FLT4: variants seen among roughly 807,000 people sequenced by gnomAD.
The protein encoded by FLT4 is fms related receptor tyrosine kinase 4.
Under a neutral mutation model 163.2 loss-of-function variants are expected in FLT4, and 30 were observed. That is an observed-to-expected ratio of 0.18 (90% CI 0.14 to 0.25). FLT4 has a LOEUF of 0.25. Ranked by LOEUF, FLT4 falls within the 10% of genes least tolerant of loss-of-function variation. The pLI is 1.00. For synonymous variants in FLT4, 884 were observed against 789.5 expected, an observed-to-expected ratio of 1.12 and a Z score of -2.01; for missense variants, 1,510 against 1,863.8, an observed-to-expected ratio of 0.81 and a Z score of 3.50.
In FLT4 at chr5:180,631,750, G is replaced by A. The variant is rs752425213; in HGVS notation, c.87C>T (p.Pro29=). 8.1e-6 allele frequency: 13 copies of A among 1,610,518 alleles called. No individual in the cohort carries two copies. In the East Asian group the frequency reaches 2.5e-4, roughly 30 times the overall value. Residue 29 remains proline (P), a synonymous_variant, in exon 2 of 30, where the codon CCC becomes CCT. Coordinates refer to ENST00000261937, the MANE Select transcript of FLT4 (RefSeq NM_182925.5). ...ACTCCTCCGTGATGTTCAAGGTCGG[G>A]GGGGTCATGGAGTAGCCACTCACCA... is the stretch of plus-strand genomic sequence containing the variant. ...DGLVSGYSMT[P]PTLNITEESH... is the part of the protein sequence containing the mutation.
chr5:180,603,220 ACGCGGGCAGACGGGGAG>A lies in FLT4; in HGVS notation c.4047_4063del (p.Ser1350AspfsTer88). 6.2e-7 allele frequency: 1 copy of A among 1,614,058 alleles called. No individual in the cohort carries two copies. The highest frequency in any genetic ancestry group is 8.5e-7 in the Non-Finnish European group (1 of 1,180,040). On this transcript the variant is annotated frameshift_variant, in exon 30 of 30. Transcript: ENST00000261937. LOFTEE classifies it high-confidence loss of function. ...GTAGCTGTTGTCTGTGAAGAAAGTC[ACGCGGGCAGACGGGGAG>A]CAGTGGTCCTCCTCGCTTGGCTCCG...
chr5:180,616,578 G>T, intron 22 of FLT4, 89 bp from the exon 23 acceptor site: 1 of 1,421,576 alleles, frequency 7.0e-7, no homozygotes, highest in Middle Eastern at 1.8e-4. Flanking sequence ...CCAAGCAGTG[G>T]GGACCATGGG....
At chr5:180,624,704 C>T (rs1189838277) in intron 10 of FLT4, among the ~76,000 whole-genome samples, 1 of 152,254 alleles carries the variant, frequency 6.6e-6, no homozygotes, top group Admixed American at 6.5e-5. Context: ...TGGCTGCAGG[C>T]CCAGCACAGT....
At position 180,649,499 on chromosome 5, in the gene FLT4, C is replaced by A. The variant is rs1295749545; in HGVS notation, c.47G>T (p.Gly16Val). 2.1e-6 allele frequency: 3 copies of A among 1,460,004 alleles called. No homozygotes were observed. The highest frequency in any genetic ancestry group is 2.3e-5 in the Admixed American group (1 of 42,828). The allele number at this position is 1,460,004 out of a possible 1,614,324, so 90.4% of individuals were successfully genotyped here. ...TTCGCCGCGCTCACCGTCCAGGAGT[C>A]CCAGGCAGAGCCACAGTCGCAGGCA... Reference protein sequence around the residue: ...ALCLRLWLCLGLLDGLVSGYS... With the variant: ...ALCLRLWLCLVLLDGLVSGYS... Residue 16 changes from glycine (G) to valine (V), a missense_variant, in exon 1 of 30, where the codon GGA (glycine) becomes GTA (valine). Physicochemically the swap from Gly to Val is moderately radical, Grantham distance 109. This residue lies in a region of FLT4 where 157 missense variants were observed against 178.7 expected (regional missense o/e 0.88). Transcript: ENST00000261937.
rs1179655650 is a variant in FLT4 at position 180,625,870 on chromosome 5, G to C, written c.1420C>G (p.Leu474Val). The C allele has an allele frequency of 6.2e-7, 1 of 1,611,302 alleles. No individual in the cohort carries two copies. The highest frequency in any genetic ancestry group is 1.7e-5 in the Admixed American group (1 of 59,976). The change falls in exon 10 of 30, where the codon CTC becomes GTC. Residue 474 changes from leucine (L) to valine (V), a missense_variant and splice_region_variant. Leu to Val is a conservative substitution (Grantham distance 32, BLOSUM62 1). Coordinates refer to ENST00000261937, the MANE Select transcript of FLT4 (RefSeq NM_182925.5). ...ACCTGAGGCTGGAGCTGTACTCACAGACTACGCTGGGCAAACATCTTGCAG... is the reference window on the plus strand; with the variant it reads ...ACCTGAGGCTGGAGCTGTACTCACACACTACGCTGGGCAAACATCTTGCAG... The part of the protein sequence containing the change: ...TPCKMFAQRS[L>V]RRRQQQDLMP...
In FLT4 at chr5:180,630,371, C is replaced by T. The variant is rs77918653; in HGVS notation, c.401-34G>A. On this transcript the variant is annotated intron_variant, in intron 3 of 29. Coordinates refer to ENST00000261937, the MANE Select transcript of FLT4 (RefSeq NM_182925.5). This position sits in a 1 kb window ranked among gnomAD's most constrained non-coding sequence, Gnocchi z 6.3. ...AGGGAGCAAGCTGTTGGGGAAGGGA[C>T]GTGGCGGCCAGGCTGGGGGAGGGCT... is the stretch of plus-strand genomic sequence containing the variant. The T allele has an allele frequency of 0.016, 25,894 of 1,590,652 alleles. 272 individuals carry two copies. Among genetic ancestry groups the T allele is most frequent in the Middle Eastern group, 0.021 (124 of 6,040 alleles).
In FLT4 at chr5:180,619,356, C is replaced by G. The variant is rs763242614; in HGVS notation, c.2658G>C (p.Thr886=). 6.2e-7 allele frequency: 1 copy of G among 1,609,418 alleles called. No individual in the cohort carries two copies. The highest frequency in any genetic ancestry group is 2.2e-5 in the East Asian group (1 of 44,804). Residue 886 remains threonine (T), a synonymous_variant, in exon 19 of 30, where the codon ACG becomes ACC. Coordinates refer to ENST00000261937, the MANE Select transcript of FLT4 (RefSeq NM_182925.5). The part of the protein sequence containing the change: ...VAVKMLKEGA[T]ASEHRALMSE... The stretch of plus-strand genomic sequence containing the variant: ...ACATCAGCGCGCGGTGCTCGCTGGC[C>G]GTGGCGCCCTCTGGAGGGGACACGG...
chr5:180,611,726 G>C (rs1039325061), intron 26 of FLT4: 1 of 584,230 alleles, frequency 1.7e-6, no homozygotes, highest in Non-Finnish European at 3.1e-6. Flanking sequence ...GTGCTCCACA[G>C]AGGAAACGAG....
chr5:180,603,148 C>A lies in FLT4; in HGVS notation c.*44G>T. On this transcript the variant is annotated 3_prime_UTR_variant, in exon 30 of 30. Transcript: ENST00000261937. ...GGCCTCCAGCCCTCTGCCCGCCCTGCCGGGCCTGAACCCCCAAGTGCTGGG... is the reference window on the plus strand; with the variant it reads ...GGCCTCCAGCCCTCTGCCCGCCCTGACGGGCCTGAACCCCCAAGTGCTGGG... The A allele has an allele frequency of 6.3e-7, 1 of 1,599,812 alleles. No individual in the cohort carries two copies.
intron 28 of FLT4, 38 bp downstream of exon 28, chr5:180,609,867 G>A: frequency 6.2e-7 from 1 of 1,613,124 alleles, no homozygotes; most frequent in Non-Finnish European, 8.5e-7. Flanking sequence ...CCCCAGCCCT[G>A]AGCCGAGAGC....
intron 10 of FLT4, among the ~76,000 whole-genome samples, chr5:180,625,599 C>T (rs1475171932): frequency 6.6e-6 from 1 of 152,232 alleles, no homozygotes; most frequent in Non-Finnish European, 1.5e-5. Context: ...GGTCTTCGCT[C>T]TTGAGGGAGG....
Position 180,620,393 on chromosome 5 carries a change from G to A in FLT4, c.2407-85C>T. 1 of 1,542,924 alleles carries A rather than the reference G, an allele frequency of 6.5e-7. No homozygotes were observed. The highest frequency in any genetic ancestry group is 8.9e-7 in the Non-Finnish European group (1 of 1,123,878). Reference sequence around the variant, plus strand: ...CTTGGGCAGAACTTTGCCCAGGACAGATGGCACTTCCTGCGGGGTTCTCAG... The same window carrying A: ...CTTGGGCAGAACTTTGCCCAGGACAAATGGCACTTCCTGCGGGGTTCTCAG... On this transcript the variant is annotated intron_variant, in intron 16 of 29. Coordinates refer to ENST00000261937, the MANE Select transcript of FLT4 (RefSeq NM_182925.5). The surrounding 1 kb of genome is among the most constrained non-coding windows in gnomAD (Gnocchi z 4.4).
intron 1 of FLT4, among the ~76,000 whole-genome samples, chr5:180,643,498 G>A (rs1285327951): frequency 6.6e-6 from 1 of 152,150 alleles, no homozygotes; most frequent in Non-Finnish European, 1.5e-5. Context: ...CTCCCCCCGG[G>A]TGGCAATACC....
chr5:180,631,923 G>A, intron 1 of FLT4, 145 bp from the exon 2 acceptor site: 1 of 123,150 alleles, frequency 8.1e-6, no homozygotes, highest in South Asian at 8.9e-5. Context: ...GCGTGGCCTG[G>A]CCTCACCATG....
intron 29 of FLT4, among the ~76,000 whole-genome samples, chr5:180,603,699 T>C (rs1761631365): frequency 6.6e-6 from 1 of 152,064 alleles, no homozygotes; most frequent in Non-Finnish European, 1.5e-5. Context: ...GGTCAGGAGA[T>C]CGAGACCATC....
At chr5:180,650,168 CCA>C (rs1765669756), upstream of FLT4, among the ~76,000 whole-genome samples, 1 of 60,968 alleles carries the variant, frequency 1.6e-5, no homozygotes, top group Non-Finnish European at 3.2e-5. Context: ...AGTCTGGGAG[CCA>C]AAAAAAAAAA....
At chr5:180,616,779 A>G in intron 22 of FLT4, 121 bp downstream of exon 22, 2 of 905,336 alleles carry the variant, frequency 2.2e-6, no homozygotes, top group South Asian at 1.3e-5. Flanking sequence ...TCCTCTGCAA[A>G]GTGGGAGAGA....
Position 180,636,322 on chromosome 5 carries a change from C to T in FLT4, c.59-4544G>A, listed in dbSNP as rs1206186968. 6.6e-6 allele frequency among the ~76,000 whole-genome samples: 1 copy of T among 152,146 alleles called. No homozygotes were observed. Among genetic ancestry groups the T allele is most frequent in the African/African-American group, 2.4e-5 (1 of 41,404 alleles). ...TCACTGTCCACTCCGAATGTCCCTTCCTGCCTTATGTGAAGCCTGGCTTTC... is the reference window on the plus strand; with the variant it reads ...TCACTGTCCACTCCGAATGTCCCTTTCTGCCTTATGTGAAGCCTGGCTTTC... On this transcript the variant is annotated intron_variant, in intron 1 of 29. Transcript: ENST00000261937. The surrounding 1 kb of genome is among the most constrained non-coding windows in gnomAD (Gnocchi z 4.3).
intron 21 of FLT4, among the ~76,000 whole-genome samples, chr5:180,618,551 T>C (rs1416585409): frequency 1.3e-5 from 2 of 152,190 alleles, no homozygotes; most frequent in African/African-American, 4.8e-5. Flanking sequence ...CTGCCTGCCT[T>C]GTCTGCAGGG....
Sources: allele counts gnomAD v4.1 joint callset (sites outside exome capture counted in the v4.1 genomes callset), GRCh38; gene constraint gnomAD v4.1.1; regional missense constraint gnomAD v4.1.1; non-coding constraint Gnocchi (gnomAD v3.1); transcripts MANE v1.5; gene names NCBI Gene and HGNC (gene_info 2026-07-23, HGNC 2026-07-21).